The following NXPH1 variants were observed in gnomAD, a reference collection of about 807,000 sequenced individuals.
NXPH1 encodes the protein neurexophilin 1, also known as neurexophilin-1.
NXPH1 carries 5 observed loss-of-function variants against 23.7 expected under a neutral mutation model. The ratio of observed to expected loss-of-function variants is 0.21; its 90% CI spans 0.11 to 0.44. The LOEUF (loss-of-function observed/expected upper bound fraction) is 0.44, where lower values mean the gene tolerates loss of function less well. Ranked by LOEUF, NXPH1 falls within the 20% of genes least tolerant of loss-of-function variation. The probability of loss-of-function intolerance (pLI) is 0.99; values close to 1 mark genes in which losing one functional copy is unlikely to be tolerated. For missense variants in NXPH1, 324 were observed against 321.6 expected, an observed-to-expected ratio of 1.01 and a Z score of -0.06; for synonymous variants, 144 against 122.2, an observed-to-expected ratio of 1.18 and a Z score of -1.18.
At chr7:8,612,371 G>A (rs1819640902) in intron 2 of NXPH1, among the ~76,000 whole-genome samples, 1 of 151,076 alleles carries the variant, frequency 6.6e-6, no homozygotes, top group Admixed American at 6.7e-5. Flanking sequence ...GTGACTCCCT[G>A]CTTCTCTTTT....
chr7:8,479,622 A>G (rs1402656859), intron 2 of NXPH1, among the ~76,000 whole-genome samples: 2 of 152,186 alleles, frequency 1.3e-5, no homozygotes, highest in Non-Finnish European at 2.9e-5. Flanking sequence ...TTTCTCATTA[A>G]AAGAAACAGG....
intron 2 of NXPH1, among the ~76,000 whole-genome samples, chr7:8,509,394 C>T (rs994895663): frequency 6.6e-6 from 1 of 152,084 alleles, no homozygotes; most frequent in African/African-American, 2.4e-5. Context: ...TTTCCAAAGA[C>T]AGTGTTAACT....
chr7:8,584,191 T>C (rs1043890444), intron 2 of NXPH1, among the ~76,000 whole-genome samples: 1 of 152,180 alleles, frequency 6.6e-6, no homozygotes, highest in African/African-American at 2.4e-5. Flanking sequence ...ACTTGCTGAA[T>C]CTTATAGAGC....
rs191733491 is a variant in NXPH1, at chr7:8,554,397, C to G, written c.54+118630C>G. ...TTGACTCACATCCATCAGAATGAGC[C>G]GGTCGGTGCTCTTAGGATTTGAAAC... On this transcript the variant is annotated intron_variant, in intron 2 of 2. Transcript: ENST00000405863. Among the ~76,000 whole-genome samples the G allele has an allele frequency of 9.9e-5, 15 of 151,618 alleles. No homozygotes were observed. In the East Asian group the frequency reaches 2.9e-3, roughly 30 times the overall value.
At chr7:8,476,198 A>G (rs1482543560) in intron 2 of NXPH1, among the ~76,000 whole-genome samples, 1 of 152,092 alleles carries the variant, frequency 6.6e-6, no homozygotes, top group East Asian at 1.9e-4. Context: ...TTCTGTGTGT[A>G]TTTAAAAGAT....
At chr7:8,535,674 T>G (rs1463086535) in intron 2 of NXPH1, among the ~76,000 whole-genome samples, 2 of 151,670 alleles carry the variant, frequency 1.3e-5, no homozygotes, top group African/African-American at 4.8e-5. Context: ...GGATGAAAAA[T>G]AAAGCAAGGT....
intron 2 of NXPH1, among the ~76,000 whole-genome samples, chr7:8,681,968 G>C (rs1401416366): frequency 6.6e-6 from 1 of 152,118 alleles, no homozygotes; most frequent in Non-Finnish European, 1.5e-5. Flanking sequence ...GAAGTCCTCA[G>C]GGCAATTATC....
chr7:8,597,766 C>G (rs969535578), intron 2 of NXPH1, among the ~76,000 whole-genome samples: 2 of 151,742 alleles, frequency 1.3e-5, no homozygotes, highest in East Asian at 3.9e-4. Flanking sequence ...TGGCAACATG[C>G]CTTACTACTC....
At chr7:8,648,132 C>T (rs932755728) in intron 2 of NXPH1, among the ~76,000 whole-genome samples, 1 of 147,932 alleles carries the variant, frequency 6.8e-6, no homozygotes, top group East Asian at 1.9e-4. Flanking sequence ...GGTATCCATC[C>T]CCTCAAGCAT....
At chr7:8,708,842 T>C (rs984527009) in intron 2 of NXPH1, among the ~76,000 whole-genome samples, 2 of 152,200 alleles carry the variant, frequency 1.3e-5, no homozygotes, top group Non-Finnish European at 2.9e-5. Flanking sequence ...CTACTCAACA[T>C]GTGTTCCATG....
intron 2 of NXPH1, among the ~76,000 whole-genome samples, chr7:8,591,608 T>C (rs1283446037): frequency 6.6e-6 from 1 of 152,072 alleles, no homozygotes; most frequent in Non-Finnish European, 1.5e-5. Context: ...GTGTTTCCAT[T>C]CCATTATTTG....
intron 2 of NXPH1, among the ~76,000 whole-genome samples, chr7:8,601,134 C>G (rs1452774421): frequency 6.6e-6 from 1 of 152,002 alleles, no homozygotes; most frequent in Non-Finnish European, 1.5e-5. Flanking sequence ...GAACCAATGC[C>G]CCTCAGATAC....
chr7:8,612,801 C>T (rs949934809), intron 2 of NXPH1, among the ~76,000 whole-genome samples: 1 of 151,986 alleles, frequency 6.6e-6, no homozygotes, highest in Non-Finnish European at 1.5e-5. Context: ...GGTCAGCCTT[C>T]TTGGCGAGTG....
intron 2 of NXPH1, among the ~76,000 whole-genome samples, chr7:8,457,682 C>T (rs1464499002): frequency 2.6e-5 from 4 of 151,944 alleles, no homozygotes; most frequent in Non-Finnish European, 5.9e-5. Flanking sequence ...TCAGCATTCT[C>T]CTTGACTGGA....
At chr7:8,639,930 T>C (rs186774128) in intron 2 of NXPH1, among the ~76,000 whole-genome samples, 248 of 152,344 alleles carry the variant, frequency 1.6e-3, no homozygotes, top group African/African-American at 5.7e-3. Context: ...GTTTCAGGTA[T>C]GTTGTTATTA....
intron 2 of NXPH1, among the ~76,000 whole-genome samples, chr7:8,515,761 C>T (rs1315327661): frequency 2.0e-5 from 3 of 152,080 alleles, no homozygotes; most frequent in Non-Finnish European, 4.4e-5. Flanking sequence ...ATTGGTAGGC[C>T]TGAGCGTTTT....
intron 2 of NXPH1, among the ~76,000 whole-genome samples, chr7:8,652,577 G>C (rs893888255): frequency 1.3e-5 from 2 of 152,096 alleles, no homozygotes; most frequent in South Asian, 2.1e-4. Flanking sequence ...CAATTTTTGA[G>C]CACCTACTAT....
At chr7:8,456,655 C>G (rs2128606251) in intron 2 of NXPH1, among the ~76,000 whole-genome samples, 1 of 152,154 alleles carries the variant, frequency 6.6e-6, no homozygotes, top group East Asian at 1.9e-4. Flanking sequence ...TGATTTTGAG[C>G]TGAAAAACCA....
At chr7:8,634,777 C>T (rs950748202) in intron 2 of NXPH1, among the ~76,000 whole-genome samples, 4 of 140,990 alleles carry the variant, frequency 2.8e-5, no homozygotes, top group African/African-American at 1.0e-4. Context: ...TATCTATCTT[C>T]TTACTTAATA....
Sources: gnomAD v4.1 joint callset for allele counts (sites outside exome capture counted in the v4.1 genomes callset) on GRCh38, gnomAD v4.1.1 for gene constraint, MANE v1.5 for transcripts, NCBI Gene and HGNC (gene_info 2026-07-23, HGNC 2026-07-21) for gene names.